PDE8A: variants seen among roughly 807,000 people sequenced by gnomAD.
PDE8A encodes the protein high affinity cAMP-specific and IBMX-insensitive 3',5'-cyclic phosphodiesterase 8A.
Under a neutral mutation model 105.0 loss-of-function variants are expected in PDE8A, and 59 were observed. The ratio of observed to expected loss-of-function variants is 0.56; its 90% CI spans 0.46 to 0.70. PDE8A has a LOEUF of 0.70. Ranked by LOEUF, PDE8A falls within the 30% of genes least tolerant of loss-of-function variation. The probability of loss-of-function intolerance (pLI) is 0.00; values close to 1 mark genes in which losing one functional copy is unlikely to be tolerated. For missense variants in PDE8A, 1,014 were observed against 1,045.9 expected (o/e 0.97, Z 0.42); for synonymous variants, 355 against 371.9 (o/e 0.95, Z 0.52).
chr15:85,063,165 A>G (rs2081172053), intron 1 of PDE8A: 1 of 152,212 alleles, frequency 6.6e-6, no homozygotes, highest in African/African-American at 2.4e-5. Context: ...GTGGCCCATA[A>G]TTACTAGACA....
chr15:85,087,102 G>T (rs866319569), intron 6 of PDE8A, among the ~76,000 whole-genome samples: 6 of 147,718 alleles, frequency 4.1e-5, no homozygotes, highest in Non-Finnish European at 9.0e-5. Flanking sequence ...TTATCTCCTG[G>T]TTTTTTTTAC....
chr15:84,994,522 C>T (rs1471700151), intron 1 of PDE8A, among the ~76,000 whole-genome samples: 3 of 152,176 alleles, frequency 2.0e-5, no homozygotes. Context: ...TCTCAAAATA[C>T]AGCAATCTTG....
At chr15:85,064,290 G>T in intron 1 of PDE8A, 80 bp from the exon 2 acceptor site, 3 of 961,928 alleles carry the variant, frequency 3.1e-6, no homozygotes, top group South Asian at 3.1e-5. Flanking sequence ...TTTCATTTTT[G>T]GCACTGTTTA....
chr15:84,994,842 T>G (rs1043450113), intron 1 of PDE8A, among the ~76,000 whole-genome samples: 7 of 151,916 alleles, frequency 4.6e-5, no homozygotes, highest in African/African-American at 1.5e-4. Flanking sequence ...CAGGTGCCTA[T>G]AATCCTAGCT....
chr15:85,040,816 C>T (rs1214754945), intron 1 of PDE8A, among the ~76,000 whole-genome samples: 1 of 152,146 alleles, frequency 6.6e-6, no homozygotes, highest in Non-Finnish European at 1.5e-5. Context: ...GCCTTGGCCT[C>T]CCAAAATGCT....
At chr15:85,097,887 A>G in intron 8 of PDE8A, 61 bp from the exon 9 acceptor site, 1 of 949,172 alleles carries the variant, frequency 1.1e-6, no homozygotes, top group Admixed American at 1.9e-5. Context: ...CTGAAGTGGA[A>G]AATGTTCTTG....
At chr15:85,023,088 A>G (rs2080455597) in intron 1 of PDE8A, among the ~76,000 whole-genome samples, 1 of 152,182 alleles carries the variant, frequency 6.6e-6, no homozygotes, top group Non-Finnish European at 1.5e-5. Context: ...AGGGAACAGT[A>G]CTGTTTTTCA....
intron 1 of PDE8A, chr15:85,062,729 T>C (rs1397275202): frequency 6.6e-6 from 1 of 152,202 alleles, no homozygotes; most frequent in Non-Finnish European, 1.5e-5. Context: ...TGCTAAGAGC[T>C]AAAATTAACT....
At chr15:85,096,941 T>C (rs1411837449) in intron 8 of PDE8A, among the ~76,000 whole-genome samples, 2 of 152,204 alleles carry the variant, frequency 1.3e-5, no homozygotes, top group African/African-American at 4.8e-5. Flanking sequence ...CATTGGTATT[T>C]GGATGCAGGT....
chr15:85,083,666 A>AG (rs1749574447), intron 6 of PDE8A, 22 bp downstream of exon 6: 1 of 1,512,308 alleles, frequency 6.6e-7, no homozygotes, highest in African/African-American at 1.4e-5. Context: ...ACTTCTGGAA[A>AG]GCCCTCCAGG....
Position 85,051,113 on chromosome 15 carries a change from A to G in PDE8A, c.187-13257A>G, listed in dbSNP as rs545646883. Among the ~76,000 whole-genome samples, 330 of 152,158 alleles carry G rather than the reference A, an allele frequency of 2.2e-3. 1 individual carries two copies. The highest frequency in any genetic ancestry group is 2.7e-3 in the Non-Finnish European group (186 of 68,002). ...TTGTAATTTCCTTTTCAGATTGGTCATTGTTAGTGTATAGAAATGCAGCTT... is the reference window on the plus strand; with the variant it reads ...TTGTAATTTCCTTTTCAGATTGGTCGTTGTTAGTGTATAGAAATGCAGCTT... On this transcript the variant is annotated intron_variant, in intron 1 of 21. Transcript: ENST00000394553.
At chr15:85,096,013 C>T (rs2081744265) in intron 8 of PDE8A, among the ~76,000 whole-genome samples, 1 of 151,700 alleles carries the variant, frequency 6.6e-6, no homozygotes, top group Non-Finnish European at 1.5e-5. Flanking sequence ...GTAGCTGGGA[C>T]TACAGGCACA....
intron 1 of PDE8A, among the ~76,000 whole-genome samples, chr15:85,059,203 A>G (rs2081107606): frequency 6.6e-6 from 1 of 152,222 alleles, no homozygotes; most frequent in African/African-American, 2.4e-5. Flanking sequence ...TACTTTTGTT[A>G]TTGATTTCTC....
At chr15:84,987,764 A>G (rs767415290) in intron 1 of PDE8A, among the ~76,000 whole-genome samples, 16 of 152,032 alleles carry the variant, frequency 1.1e-4, no homozygotes, top group Admixed American at 2.0e-4. Context: ...GGTGTGAGCC[A>G]CCGCGCCCGG....
rs758210830 is a variant in PDE8A, at chr15:85,115,470, A to C, written c.1382A>C (p.Tyr461Ser). 1 of 1,527,318 alleles carries C rather than the reference A, an allele frequency of 6.5e-7. No homozygotes were observed. Among genetic ancestry groups the C allele is most frequent in the South Asian group, 1.3e-5 (1 of 79,868 alleles). 94.6% of individuals were successfully genotyped at this position (1,527,318 alleles called of 1,614,324 possible). Residue 461 changes from tyrosine to serine, a missense_variant, in exon 15 of 22, where the codon TAT becomes TCT. Tyr to Ser is a moderately radical substitution (Grantham distance 144). Transcript: ENST00000394553. ...TTGCGAAGACTATCAGGGAATGAAT[A>C]TGTTCTTTCAACAAAAAGTAAGTTT... ...DGLRRLSGNE[Y>S]VLSTKNTQMV...
At chr15:85,078,810 A>ATT (rs1365675826) in intron 5 of PDE8A, among the ~76,000 whole-genome samples, 2 of 152,208 alleles carry the variant, frequency 1.3e-5, no homozygotes, top group African/African-American at 4.8e-5. Context: ...ATAAATACAT[A>ATT]TTTACTGTAT....
chr15:85,007,635 A>G (rs1374627550), intron 1 of PDE8A, among the ~76,000 whole-genome samples: 1 of 151,962 alleles, frequency 6.6e-6, no homozygotes, highest in Non-Finnish European at 1.5e-5. Context: ...CCTTGGGCAA[A>G]TTACTTAACC....
intron 3 of PDE8A, among the ~76,000 whole-genome samples, chr15:85,073,566 C>G (rs760665282): frequency 1.3e-5 from 2 of 152,232 alleles, no homozygotes; most frequent in Non-Finnish European, 2.9e-5. Context: ...CATTACATCA[C>G]TCCCATCTTG....
chr15:85,048,775 C>A (rs553371770), intron 1 of PDE8A, among the ~76,000 whole-genome samples: 2 of 152,286 alleles, frequency 1.3e-5, no homozygotes, highest in African/African-American at 4.8e-5. Flanking sequence ...TTATACAGAC[C>A]ATTTCAAGCA....
Sources: allele counts gnomAD v4.1 joint callset (sites outside exome capture counted in the v4.1 genomes callset), GRCh38; gene constraint gnomAD v4.1.1; transcripts MANE v1.5; gene names NCBI Gene and HGNC (gene_info 2026-07-23, HGNC 2026-07-21).